The following PTPRG variants were observed in gnomAD, a reference collection of about 807,000 sequenced individuals.
The protein encoded by PTPRG is protein tyrosine phosphatase receptor type G.
Under a neutral mutation model 165.3 loss-of-function variants are expected in PTPRG, and 102 were observed. That is an observed-to-expected ratio of 0.62 (90% CI 0.53 to 0.73). The LOEUF is 0.73. Among genes scored for constraint, PTPRG ranks in the 30% least tolerant of loss-of-function variants. The probability of loss-of-function intolerance (pLI) is 0.00; values close to 1 mark genes in which losing one functional copy is unlikely to be tolerated. For synonymous variants in PTPRG, 675 were observed against 669.5 expected (o/e 1.01, Z -0.13); for missense variants, 1,866 against 1,861.4 (o/e 1.00, Z -0.05).
chr3:62,203,514 C>T lies in PTPRG; in HGVS notation c.1719C>T (p.Asp573=), dbSNP rs866522804. The change falls in exon 12 of 30, where the codon GAC becomes GAT. Residue 573 remains aspartate, a synonymous_variant. Coordinates refer to ENST00000474889, the MANE Select transcript of PTPRG (RefSeq NM_002841.4). This position sits in a 1 kb window ranked among gnomAD's most constrained non-coding sequence, Gnocchi z 6.4. ...GPDGDSSPTK[D]GEGTEEGEKD... is the part of the protein sequence containing the mutation. ...ATGGTGATTCGTCACCAACCAAGGA[C>T]GGCGAGGGCACCGAGGAAGGAGAGA... is the stretch of plus-strand genomic sequence containing the variant. 1.3e-5 allele frequency: 20 copies of T among 1,559,566 alleles called. No homozygotes were observed. The highest frequency in any genetic ancestry group is 3.3e-4 in the Middle Eastern group (2 of 6,028).
At chr3:62,269,518 C>T in intron 20 of PTPRG, among the ~76,000 whole-genome samples, 1 of 152,060 alleles carries the variant, frequency 6.6e-6, no homozygotes, top group East Asian at 1.9e-4. Context: ...CATTGTTTCC[C>T]AAAGTATGTT....
intron 1 of PTPRG, among the ~76,000 whole-genome samples, chr3:61,597,291 T>C (rs1245674302): frequency 1.3e-5 from 2 of 152,152 alleles, no homozygotes; most frequent in Admixed American, 1.3e-4. Flanking sequence ...TTATCCGCCC[T>C]CCATATCTGC....
intron 1 of PTPRG, among the ~76,000 whole-genome samples, chr3:61,568,256 T>C (rs536180041): frequency 7.9e-5 from 12 of 152,324 alleles, no homozygotes; most frequent in African/African-American, 2.6e-4. Flanking sequence ...TCTAAGAACA[T>C]GGGATTGTTA....
In PTPRG at chr3:61,951,938, G is replaced by T. The variant is rs533564827; in HGVS notation, c.191-37687G>T. Among the ~76,000 whole-genome samples, 149 of 151,950 alleles carry T rather than the reference G, an allele frequency of 9.8e-4. 1 individual carries two copies. Among genetic ancestry groups the T allele is most frequent in the Non-Finnish European group, 1.5e-3 (103 of 67,932 alleles). ...ATCAAGACCATCCTGGCCAACATGG[G>T]GAAACCCTGTCTTTACTAAAAATAC... On this transcript the variant is annotated intron_variant, in intron 2 of 29. Coordinates refer to ENST00000474889, the MANE Select transcript of PTPRG (RefSeq NM_002841.4).
intron 7 of PTPRG, among the ~76,000 whole-genome samples, chr3:62,159,610 T>TC (rs1482093089): frequency 1.3e-5 from 2 of 152,190 alleles, no homozygotes; most frequent in African/African-American, 4.8e-5. Flanking sequence ...TCCTCACTAT[T>TC]CCACTCTCTG....
At chr3:61,623,919 C>T (rs900728736) in intron 1 of PTPRG, among the ~76,000 whole-genome samples, 3 of 152,162 alleles carry the variant, frequency 2.0e-5, no homozygotes, top group Non-Finnish European at 4.4e-5. Context: ...CAAATACAGC[C>T]GCTGGTGTTT....
intron 1 of PTPRG, among the ~76,000 whole-genome samples, chr3:61,629,772 C>T (rs899621154): frequency 6.6e-6 from 1 of 152,156 alleles, no homozygotes; most frequent in Non-Finnish European, 1.5e-5. Flanking sequence ...AAGCCTATGG[C>T]ATTTTTGAAG....
At chr3:61,708,101 T>G (rs2031353757) in intron 1 of PTPRG, among the ~76,000 whole-genome samples, 1 of 152,024 alleles carries the variant, frequency 6.6e-6, no homozygotes, top group Non-Finnish European at 1.5e-5. Context: ...TTTTTTTTTA[T>G]TTTTTAGGGA....
At chr3:61,814,703 T>G (rs1373885311) in intron 2 of PTPRG, among the ~76,000 whole-genome samples, 1 of 151,676 alleles carries the variant, frequency 6.6e-6, no homozygotes, top group Non-Finnish European at 1.5e-5. Context: ...TAAAAACTTG[T>G]GTGCCATGAT....
chr3:61,796,518 CAA>C (rs2035048367), intron 2 of PTPRG, among the ~76,000 whole-genome samples: 1 of 152,200 alleles, frequency 6.6e-6, no homozygotes, highest in Non-Finnish European at 1.5e-5. Context: ...CTAGGAAGGA[CAA>C]AGTCTGCATG....
At chr3:61,870,558 A>AT (rs71100986) in intron 2 of PTPRG, among the ~76,000 whole-genome samples, 871 of 48,300 alleles carry the variant, frequency 0.018, 33 homozygotes, top group Admixed American at 0.047. Context: ...GTAGAGATGG[A>AT]TTTTTTTTTT....
intron 2 of PTPRG, among the ~76,000 whole-genome samples, chr3:61,874,957 A>T (rs185903711): frequency 6.6e-6 from 1 of 152,236 alleles, no homozygotes; most frequent in East Asian, 1.9e-4. Context: ...AGAGAAGCAA[A>T]CCTGTTAAGT....
At chr3:61,932,408 A>G (rs550744078) in intron 2 of PTPRG, among the ~76,000 whole-genome samples, 39 of 152,314 alleles carry the variant, frequency 2.6e-4, no homozygotes, top group South Asian at 2.3e-3. Flanking sequence ...CGTCTTAGCC[A>G]GGGGGAACAT....
intron 20 of PTPRG, among the ~76,000 whole-genome samples, chr3:62,269,568 G>C (rs1321943246): frequency 6.6e-6 from 1 of 152,136 alleles, no homozygotes; most frequent in African/African-American, 2.4e-5. Context: ...GTAAACATCA[G>C]ATTCTGCTGT....
At chr3:61,586,069 C>T (rs542076305) in intron 1 of PTPRG, among the ~76,000 whole-genome samples, 2 of 152,274 alleles carry the variant, frequency 1.3e-5, no homozygotes, top group South Asian at 4.1e-4. Context: ...ATTATTAATG[C>T]ATTTTGTTTT....
chr3:62,234,049 A>G (rs1700967763), intron 14 of PTPRG, among the ~76,000 whole-genome samples: 1 of 152,222 alleles, frequency 6.6e-6, no homozygotes, highest in African/African-American at 2.4e-5. Context: ...TATATAATAT[A>G]TAAGCAAATA....
At chr3:61,739,627 G>A (rs1385847170) in intron 1 of PTPRG, among the ~76,000 whole-genome samples, 2 of 152,128 alleles carry the variant, frequency 1.3e-5, no homozygotes, top group African/African-American at 2.4e-5. Flanking sequence ...CTGAATAATT[G>A]TACCTAAGCT....
intron 2 of PTPRG, among the ~76,000 whole-genome samples, chr3:61,867,703 C>T (rs909322780): frequency 2.0e-5 from 3 of 152,168 alleles, no homozygotes; most frequent in Non-Finnish European, 4.4e-5. Context: ...CCCTCTCTCC[C>T]TCTCTTCTTT....
Position 62,254,448 on chromosome 3 carries a change from C to T in PTPRG, c.2468-676C>T, listed in dbSNP as rs549650978. 5.3e-5 allele frequency among the ~76,000 whole-genome samples: 8 copies of T among 152,110 alleles called. No homozygotes were observed. In the South Asian group the frequency reaches 1.5e-3, roughly 28 times the overall value. ...AAAGTCTCCTTTTGAAGTGACAACA[C>T]GAAATAAATGGGAATGTGGAGTCTT... On this transcript the variant is annotated intron_variant, in intron 15 of 29. Transcript: ENST00000474889. The surrounding 1 kb of genome is among the most constrained non-coding windows in gnomAD (Gnocchi z 4.6).
Sources: allele counts gnomAD v4.1 joint callset (sites outside exome capture counted in the v4.1 genomes callset), GRCh38; gene constraint gnomAD v4.1.1; non-coding constraint Gnocchi (gnomAD v3.1); transcripts MANE v1.5; gene names NCBI Gene and HGNC (gene_info 2026-07-23, HGNC 2026-07-21).